The following DGLUCY variants were observed in gnomAD, a reference collection of about 807,000 sequenced individuals.
DGLUCY encodes D-glutamate cyclase, mitochondrial.
DGLUCY carries 58 observed loss-of-function variants against 58.5 expected under a neutral mutation model. The ratio of observed to expected loss-of-function variants is 0.99; its 90% CI spans 0.80 to 1.23. DGLUCY has a LOEUF of 1.23. Among genes scored for constraint, DGLUCY ranks in the 50% most tolerant of loss-of-function variants. The pLI is 0.00. For missense variants in DGLUCY, 779 were observed against 784.7 expected, an observed-to-expected ratio of 0.99 and a Z score of 0.09; for synonymous variants, 325 against 314.1, an observed-to-expected ratio of 1.03 and a Z score of -0.37.
At chr14:91,216,299 A>C in intron 13 of DGLUCY, 1 of 156,040 alleles carries the variant, frequency 6.4e-6, no homozygotes, top group Admixed American at 6.1e-5. Flanking sequence ...TTTTCTGCGC[A>C]AGACTCTGTG....
intron 10 of DGLUCY, 144 bp downstream of exon 10, chr14:91,196,618 A>C: frequency 1.5e-6 from 1 of 662,694 alleles, no homozygotes; most frequent in Non-Finnish European, 2.6e-6. Context: ...CATGGACCAG[A>C]CTAACAAATG....
At chr14:91,073,094 C>T (rs547788448) in intron 1 of DGLUCY, among the ~76,000 whole-genome samples, 1 of 152,200 alleles carries the variant, frequency 6.6e-6, no homozygotes, top group South Asian at 2.1e-4. Flanking sequence ...CTTTTGTCAC[C>T]AGGTGTTACA....
intron 13 of DGLUCY, among the ~76,000 whole-genome samples, chr14:91,217,646 A>G: frequency 6.6e-6 from 1 of 150,652 alleles, no homozygotes; most frequent in South Asian, 2.1e-4. Context: ...CACCATGCCC[A>G]GCTAATTTTT....
intron 1 of DGLUCY, among the ~76,000 whole-genome samples, chr14:91,097,423 GA>G (rs1392548643): frequency 6.6e-6 from 1 of 152,088 alleles, no homozygotes; most frequent in East Asian, 1.9e-4. Flanking sequence ...AAAAAGCAAA[GA>G]AAATGTTTTA....
At chr14:91,198,771 T>G (rs1229851846) in intron 10 of DGLUCY, among the ~76,000 whole-genome samples, 2 of 152,170 alleles carry the variant, frequency 1.3e-5, no homozygotes, top group Non-Finnish European at 2.9e-5. Flanking sequence ...GCGCCTCCTG[T>G]GCATTTTCTC....
intron 7 of DGLUCY, among the ~76,000 whole-genome samples, chr14:91,178,593 G>A (rs1004758945): frequency 6.6e-6 from 1 of 152,206 alleles, no homozygotes; most frequent in Non-Finnish European, 1.5e-5. Context: ...GGAGTGACCA[G>A]TTTTAGGTGC....
chr14:91,181,214 AG>A lies in DGLUCY; in HGVS notation c.761del (p.Gly254AlafsTer5). On this transcript the variant is annotated frameshift_variant, in exon 8 of 14. Coordinates refer to ENST00000256324, the MANE Select transcript of DGLUCY (RefSeq NM_001102368.3). LOFTEE classifies it high-confidence loss of function. Reference sequence around the variant, plus strand: ...CCCCACTGGCTTTTGCCAGCATCCCAGGCTGCACAGTTATGACTGACCTGAA... The same window carrying A: ...CCCCACTGGCTTTTGCCAGCATCCCAGCTGCACAGTTATGACTGACCTGAA... ...ETPLAFASIP[G>X]CTVMTDLKDA... 1 of 1,614,152 alleles carries A rather than the reference AG, an allele frequency of 6.2e-7. No homozygotes were observed. Among genetic ancestry groups the A allele is most frequent in the Non-Finnish European group, 8.5e-7 (1 of 1,180,020 alleles).
In DGLUCY at chr14:91,179,081, C is replaced by T. The variant is rs146357663; in HGVS notation, c.731-2105C>T. ...ATCCAAGATTTATTTACTCAATTCA[C>T]ATCTGCATTTGTTGAACACCTATTA... On this transcript the variant is annotated intron_variant, in intron 7 of 13. Coordinates refer to ENST00000256324, the MANE Select transcript of DGLUCY (RefSeq NM_001102368.3). 2.4e-3 allele frequency among the ~76,000 whole-genome samples: 367 copies of T among 152,238 alleles called. 4 individuals carry two copies. Among genetic ancestry groups the T allele is most frequent in the Non-Finnish European group, 3.2e-3 (218 of 68,026 alleles).
upstream of DGLUCY, among the ~76,000 whole-genome samples, chr14:91,111,288 A>ATT (rs1237896603): frequency 1.1e-3 from 66 of 60,542 alleles, 1 homozygote; most frequent in Middle Eastern, 9.4e-3. Flanking sequence ...ATATATATAT[A>ATT]TATTTTTTTT....
At chr14:91,180,026 G>A (rs1251783839) in intron 7 of DGLUCY, among the ~76,000 whole-genome samples, 5 of 149,318 alleles carry the variant, frequency 3.3e-5, no homozygotes, top group Non-Finnish European at 7.4e-5. Flanking sequence ...CAAGTAGCTG[G>A]GATTACAGGC....
At chr14:91,127,914 C>T (rs934972330) in intron 1 of DGLUCY, among the ~76,000 whole-genome samples, 1 of 150,806 alleles carries the variant, frequency 6.6e-6, no homozygotes, top group Non-Finnish European at 1.5e-5. Context: ...ACCCCAGGCA[C>T]CTGGCTTTTT....
chr14:91,134,792 A>AT (rs1440610925), intron 1 of DGLUCY, among the ~76,000 whole-genome samples: 1 of 152,114 alleles, frequency 6.6e-6, no homozygotes, highest in Non-Finnish European at 1.5e-5. Context: ...TGACTTTTAC[A>AT]TATTGATTTT....
chr14:91,097,755 C>T (rs2044420608), intron 1 of DGLUCY, among the ~76,000 whole-genome samples: 2 of 151,582 alleles, frequency 1.3e-5, no homozygotes, highest in South Asian at 2.1e-4. Context: ...CTCACTGCAA[C>T]CTCCATCTCC....
At chr14:91,171,648 T>A (rs1049797614) in intron 5 of DGLUCY, among the ~76,000 whole-genome samples, 25 of 152,256 alleles carry the variant, frequency 1.6e-4, no homozygotes, top group African/African-American at 5.5e-4. Context: ...TAGCAAGCTC[T>A]TTAGGTGGTG....
At chr14:91,212,711 A>G (rs1207598716) in intron 12 of DGLUCY, among the ~76,000 whole-genome samples, 1 of 150,982 alleles carries the variant, frequency 6.6e-6, no homozygotes, top group Non-Finnish European at 1.5e-5. Context: ...TTATTAAAAA[A>G]TGAAGAAAAG....
upstream of DGLUCY, among the ~76,000 whole-genome samples, chr14:91,110,430 C>CTTTTT (rs10711938): frequency 7.9e-5 from 7 of 88,058 alleles, no homozygotes; most frequent in African/African-American, 2.6e-4. Context: ...TTCTTTCTTT[C>CTTTTT]TTTTTTTTTT....
At chr14:91,184,861 A>G (rs2049405453) in intron 8 of DGLUCY, among the ~76,000 whole-genome samples, 1 of 152,184 alleles carries the variant, frequency 6.6e-6, no homozygotes, top group Non-Finnish European at 1.5e-5. Context: ...TCCTTTACAT[A>G]TAATCCTATA....
intron 10 of DGLUCY, among the ~76,000 whole-genome samples, chr14:91,198,599 G>A (rs948244121): frequency 3.3e-5 from 5 of 151,392 alleles, no homozygotes; most frequent in African/African-American, 9.7e-5. Flanking sequence ...TGCCTGCCTC[G>A]GCCTCCCAAA....
intron 9 of DGLUCY, among the ~76,000 whole-genome samples, chr14:91,191,353 G>A (rs2049880590): frequency 1.3e-5 from 2 of 152,144 alleles, no homozygotes. Context: ...GGGATGATGA[G>A]AAAGTTCTGG....
Sources: gnomAD v4.1 joint callset for allele counts (sites outside exome capture counted in the v4.1 genomes callset) on GRCh38, gnomAD v4.1.1 for gene constraint, MANE v1.5 for transcripts, NCBI Gene and HGNC (gene_info 2026-07-23, HGNC 2026-07-21) for gene names.